The following KLF8 variants were observed in gnomAD, a reference collection of about 807,000 sequenced individuals.
KLF8 encodes the protein KLF transcription factor 8.
Under a neutral mutation model 18.2 loss-of-function variants are expected in KLF8, and 10 were observed. The observed-to-expected ratio is 0.55, with a 90% confidence interval of 0.34 to 0.93. The LOEUF (loss-of-function observed/expected upper bound fraction) is 0.93. Ranked by LOEUF, KLF8 falls within the 40% of genes least tolerant of loss-of-function variation. KLF8 has a pLI of 0.02. For synonymous variants in KLF8, 109 were observed against 97.3 expected, an observed-to-expected ratio of 1.12 and a Z score of -0.71; for missense variants, 264 against 277.9, an observed-to-expected ratio of 0.95 and a Z score of 0.36.
the KLF8 span, among the ~76,000 whole-genome samples, chrX:56,038,636 T>C: frequency 8.9e-6 from 1 of 112,413 alleles, no homozygotes; most frequent in East Asian, 2.8e-4. Context: ...ATTTGGATTG[T>C]TCTTATGTCT....
the KLF8 span, among the ~76,000 whole-genome samples, chrX:56,005,469 G>T: frequency 8.9e-6 from 1 of 111,910 alleles, no homozygotes; most frequent in Non-Finnish European, 1.9e-5. Flanking sequence ...GCATAGCACT[G>T]GTGGGTGTGG....
chrX:56,068,910 T>A, the KLF8 span, among the ~76,000 whole-genome samples: 1 of 112,511 alleles, frequency 8.9e-6, no homozygotes, highest in African/African-American at 3.2e-5. Context: ...GCCCTGCTTC[T>A]TTCTAAAGTC....
chrX:56,094,838 C>T, the KLF8 span, among the ~76,000 whole-genome samples: 1 of 111,256 alleles, frequency 9.0e-6, no homozygotes, highest in African/African-American at 3.3e-5. Flanking sequence ...AAAATCCACT[C>T]TTTTAAGTAA....
chrX:56,220,426 C>T, the KLF8 span, among the ~76,000 whole-genome samples: 1 of 112,091 alleles, frequency 8.9e-6, no homozygotes, highest in Non-Finnish European at 1.9e-5. Flanking sequence ...GTGTGAGAAC[C>T]ATAAGATACT....
chrX:56,186,362 C>G, the KLF8 span, among the ~76,000 whole-genome samples: 2 of 111,738 alleles, frequency 1.8e-5, no homozygotes, highest in African/African-American at 3.3e-5. Flanking sequence ...ACAGGAGGAC[C>G]TAGATTCATA....
At chrX:56,019,324 G>A in the KLF8 span, among the ~76,000 whole-genome samples, 1 of 112,414 alleles carries the variant, frequency 8.9e-6, no homozygotes, top group African/African-American at 3.2e-5. Context: ...TTCTCTTGGA[G>A]AATGGATCTT....
the KLF8 span, among the ~76,000 whole-genome samples, chrX:55,993,956 G>A: frequency 9.6e-6 from 1 of 104,372 alleles, no homozygotes; most frequent in Admixed American, 1.0e-4. Context: ...TGTTGCCCAG[G>A]CTGGAGTGCA....
At chrX:56,178,724 C>G in the KLF8 span, among the ~76,000 whole-genome samples, 7 of 112,119 alleles carry the variant, frequency 6.2e-5, no homozygotes, top group African/African-American at 1.9e-4. Context: ...TTCCCAGCAC[C>G]CTTTGTTAAA....
the KLF8 span, among the ~76,000 whole-genome samples, chrX:56,099,595 C>T: frequency 5.7e-4 from 63 of 110,531 alleles, no homozygotes; most frequent in African/African-American, 2.0e-3. Context: ...GTTATGAATG[C>T]GAATGAAAAG....
At chrX:56,075,519 A>G in the KLF8 span, among the ~76,000 whole-genome samples, 1 of 112,064 alleles carries the variant, frequency 8.9e-6, no homozygotes, top group Admixed American at 9.5e-5. Context: ...GTTACAAACA[A>G]TCCAATTACA....
chrX:56,142,921 A>G, the KLF8 span, among the ~76,000 whole-genome samples: 1 of 112,086 alleles, frequency 8.9e-6, no homozygotes, highest in Non-Finnish European at 1.9e-5. Context: ...ATCTGGATTA[A>G]TGCAATAGCT....
chrX:56,097,895 C>T, the KLF8 span, among the ~76,000 whole-genome samples: 2 of 109,538 alleles, frequency 1.8e-5, no homozygotes, highest in African/African-American at 6.7e-5. Context: ...GATATTTGCT[C>T]TTACCACTCC....
At chrX:56,010,635 G>A in the KLF8 span, among the ~76,000 whole-genome samples, 1 of 111,488 alleles carries the variant, frequency 9.0e-6, no homozygotes, top group East Asian at 2.8e-4. Context: ...ATGGAAATTG[G>A]CAAAATCCCC....
the KLF8 span, among the ~76,000 whole-genome samples, chrX:56,166,904 T>C: frequency 9.0e-6 from 1 of 111,252 alleles, no homozygotes; most frequent in African/African-American, 3.3e-5. Flanking sequence ...TGTCTATTAA[T>C]TGAGAACCCG....
the KLF8 span, among the ~76,000 whole-genome samples, chrX:56,103,653 G>T: frequency 9.0e-6 from 1 of 111,497 alleles, no homozygotes; most frequent in African/African-American, 3.3e-5. Flanking sequence ...CATGTCATCT[G>T]CAAACAGGGA....
chrX:56,283,014 C>T (rs192669943), intron 5 of KLF8, among the ~76,000 whole-genome samples: 9 of 112,064 alleles, frequency 8.0e-5, no homozygotes, highest in African/African-American at 2.9e-4. Flanking sequence ...AAGTCATTCA[C>T]TGTTAACAGT....
Position 56,286,088 on chromosome X carries a change from T to C in KLF8, c.*1594T>C, listed in dbSNP as rs898984551. ...ATGAGACAAATACGGGTCAGATTTTTTTCTCCAGATGTTTCTTTGAGCCCT... is the reference window on the plus strand; with the variant it reads ...ATGAGACAAATACGGGTCAGATTTTCTTCTCCAGATGTTTCTTTGAGCCCT... On this transcript the variant is annotated 3_prime_UTR_variant, in exon 6 of 6. Transcript: ENST00000468660. 1 of 111,345 alleles carries C rather than the reference T, an allele frequency of 9.0e-6. No individual in the cohort carries two copies. Among genetic ancestry groups the C allele is most frequent in the Non-Finnish European group, 1.9e-5 (1 of 53,105 alleles). The allele number at this position is 111,345 out of a possible 1,213,427, so 9.2% of individuals were successfully genotyped here. A position where few individuals can be genotyped will look rare whatever the true frequency, so the allele number is the denominator to read the frequency against.
chrX:56,265,925 T>G, intron 3 of KLF8, 181 bp downstream of exon 3: 4 of 1,025,638 alleles, frequency 3.9e-6, no homozygotes, highest in Non-Finnish European at 5.0e-6. Context: ...GAGTCTTGAT[T>G]AGACCATGCT....
the KLF8 span, among the ~76,000 whole-genome samples, chrX:55,938,547 G>A: frequency 1.8e-5 from 2 of 111,126 alleles, no homozygotes; most frequent in Non-Finnish European, 3.8e-5. Context: ...ATGTAAATGG[G>A]CTAAATGCTC....
Sources: gnomAD v4.1 joint callset for allele counts (sites outside exome capture counted in the v4.1 genomes callset) on GRCh38, gnomAD v4.1.1 for gene constraint, MANE v1.5 for transcripts, NCBI Gene and HGNC (gene_info 2026-07-23, HGNC 2026-07-21) for gene names.